The following CAMK4 variants were observed in gnomAD, a reference collection of about 807,000 sequenced individuals.
The protein encoded by CAMK4 is calcium/calmodulin dependent protein kinase IV.
Under a neutral mutation model 44.9 loss-of-function variants are expected in CAMK4, and 22 were observed. The observed-to-expected ratio is 0.49, with a 90% CI of 0.35 to 0.70. The LOEUF is 0.70. CAMK4 is among the 30% of genes least tolerant of loss of function. The pLI is 0.01. For synonymous variants in CAMK4, 218 were observed against 215.4 expected, an observed-to-expected ratio of 1.01 and a Z score of -0.11; for missense variants, 498 against 586.8, an observed-to-expected ratio of 0.85 and a Z score of 1.56.
rs1364914438 is a variant in CAMK4, at chr5:111,490,679, C to G, written c.*6213C>G. 6.6e-6 allele frequency: 1 copy of G among 152,092 alleles called. No individual in the cohort carries two copies. Among genetic ancestry groups the G allele is most frequent in the Admixed American group, 6.6e-5 (1 of 15,254 alleles). 9.4% of individuals were successfully genotyped at this position (152,092 alleles called of 1,614,324 possible). On this transcript the variant is annotated 3_prime_UTR_variant, in exon 11 of 11. Transcript: ENST00000282356. ...TTTTAACCTGACCTATTTTATATAC[C>G]TACAATACAGTTAATATGCAGCAGC...
chr5:111,370,682 C>T (rs939837740), intron 2 of CAMK4, among the ~76,000 whole-genome samples: 4 of 152,008 alleles, frequency 2.6e-5, no homozygotes, highest in Admixed American at 1.3e-4. Flanking sequence ...TTTGGGAGGC[C>T]GACATGGGTG....
At chr5:111,311,715 T>A (rs907449886) in intron 1 of CAMK4, among the ~76,000 whole-genome samples, 16 of 152,196 alleles carry the variant, frequency 1.1e-4, no homozygotes, top group African/African-American at 3.9e-4. Flanking sequence ...CATTTTTTCC[T>A]CAAAGACATC....
chr5:111,361,494 A>G (rs992907787), intron 2 of CAMK4, among the ~76,000 whole-genome samples: 4 of 152,032 alleles, frequency 2.6e-5, no homozygotes, highest in Non-Finnish European at 5.9e-5. Context: ...GGTCATATGA[A>G]ATGGTCATAA....
intron 7 of CAMK4, among the ~76,000 whole-genome samples, chr5:111,454,248 C>A (rs443451): frequency 2.6e-5 from 4 of 152,126 alleles, no homozygotes; most frequent in Non-Finnish European, 5.9e-5. Context: ...CTTAAGTGCA[C>A]TGTGTCTAGT....
intron 1 of CAMK4, among the ~76,000 whole-genome samples, chr5:111,311,883 G>C (rs1320464164): frequency 1.3e-5 from 2 of 152,058 alleles, no homozygotes; most frequent in African/African-American, 4.8e-5. Context: ...ATGTTGTGTT[G>C]TTGCTATTTG....
chr5:111,375,229 T>C (rs1204839756), intron 3 of CAMK4, among the ~76,000 whole-genome samples: 2 of 152,230 alleles, frequency 1.3e-5, no homozygotes, highest in African/African-American at 4.8e-5. Flanking sequence ...TTTGTGTGCC[T>C]ATCTTATTAA....
chr5:111,480,097 A>G (rs543021744), intron 9 of CAMK4, among the ~76,000 whole-genome samples: 2 of 152,104 alleles, frequency 1.3e-5, no homozygotes, highest in Admixed American at 1.3e-4. Flanking sequence ...GCCATCACTC[A>G]CTTCACATCT....
intron 1 of CAMK4, among the ~76,000 whole-genome samples, chr5:111,252,198 G>C (rs1326141190): frequency 1.3e-5 from 2 of 152,156 alleles, no homozygotes; most frequent in African/African-American, 4.8e-5. Context: ...AGTTGGAGAA[G>C]TATTTTAAAC....
chr5:111,385,514 A>G (rs776234162), intron 4 of CAMK4, among the ~76,000 whole-genome samples: 6 of 152,026 alleles, frequency 3.9e-5, no homozygotes, highest in Non-Finnish European at 7.4e-5. Context: ...GGGACTAGAT[A>G]TTTGTTAAGT....
At chr5:111,293,463 G>A (rs528730446) in intron 1 of CAMK4, among the ~76,000 whole-genome samples, 2 of 151,524 alleles carry the variant, frequency 1.3e-5, no homozygotes, top group Admixed American at 1.3e-4. Flanking sequence ...GTCTCATCCT[G>A]TTGCCCAGGC....
intron 2 of CAMK4, among the ~76,000 whole-genome samples, chr5:111,349,888 AAC>A (rs751242888): frequency 6.6e-6 from 1 of 152,018 alleles, no homozygotes; most frequent in Non-Finnish European, 1.5e-5. Context: ...TATGTAGCTC[AAC>A]TCTTGGAAAA....
chr5:111,435,298 G>A (rs1753605320), intron 5 of CAMK4, among the ~76,000 whole-genome samples: 1 of 152,026 alleles, frequency 6.6e-6, no homozygotes, highest in Admixed American at 6.6e-5. Context: ...TCTTTGTCAT[G>A]TTTGACATAC....
chr5:111,227,749 C>A (rs1454698774), intron 1 of CAMK4, among the ~76,000 whole-genome samples: 1 of 152,144 alleles, frequency 6.6e-6, no homozygotes, highest in Non-Finnish European at 1.5e-5. Context: ...ATAGGGGTTA[C>A]GGGTGAATTA....
intron 2 of CAMK4, among the ~76,000 whole-genome samples, chr5:111,368,290 G>C (rs1177877217): frequency 1.3e-5 from 2 of 152,076 alleles, no homozygotes; most frequent in Non-Finnish European, 2.9e-5. Context: ...TGACTGCTCA[G>C]ATAGCTGCCC....
chr5:111,441,230 T>C (rs1297948556), intron 5 of CAMK4, among the ~76,000 whole-genome samples: 1 of 152,232 alleles, frequency 6.6e-6, no homozygotes. Flanking sequence ...TTAGCAGAGA[T>C]ATGCCTTTGG....
chr5:111,389,194 G>T (rs544489826), intron 4 of CAMK4, among the ~76,000 whole-genome samples: 12 of 152,242 alleles, frequency 7.9e-5, no homozygotes, highest in African/African-American at 2.9e-4. Flanking sequence ...GCACATGGTG[G>T]AAGGGACAAA....
intron 5 of CAMK4, among the ~76,000 whole-genome samples, chr5:111,434,070 C>T (rs890774895): frequency 5.9e-5 from 9 of 151,938 alleles, no homozygotes; most frequent in African/African-American, 9.7e-5. Flanking sequence ...GCCGAGCAGG[C>T]GGATCACAAG....
At chr5:111,267,487 C>T (rs1244320812) in intron 1 of CAMK4, among the ~76,000 whole-genome samples, 4 of 151,916 alleles carry the variant, frequency 2.6e-5, no homozygotes, top group African/African-American at 4.8e-5. Flanking sequence ...GAGGCCGAGG[C>T]GGGCGGATCA....
In CAMK4 at chr5:111,424,735, C is replaced by T. The variant is rs1042709899; in HGVS notation, c.460-21951C>T. Among the ~76,000 whole-genome samples, 12 of 152,008 alleles carry T rather than the reference C, an allele frequency of 7.9e-5. No individual in the cohort carries two copies. In the East Asian group the frequency reaches 2.2e-3, roughly 27 times the overall value. On this transcript the variant is annotated intron_variant, in intron 5 of 10. Transcript: ENST00000282356. The stretch of plus-strand genomic sequence containing the variant: ...GTGCTGGGATTACAGGCGTGAGCCA[C>T]CGCGTCCAGCCACATCTTCTATTCT...
Sources: allele counts gnomAD v4.1 joint callset (sites outside exome capture counted in the v4.1 genomes callset), GRCh38; gene constraint gnomAD v4.1.1; transcripts MANE v1.5; gene names NCBI Gene and HGNC (gene_info 2026-07-23, HGNC 2026-07-21).